The following MGAT4A variants were observed in gnomAD, a reference collection of about 807,000 sequenced individuals.
MGAT4A encodes the protein alpha-1,3-mannosyl-glycoprotein 4-beta-N-acetylglucosaminyltransferase A, also known as N-acetylglucosaminyltransferase IVa.
Under a neutral mutation model 74.1 loss-of-function variants are expected in MGAT4A, and 33 were observed. The observed-to-expected ratio is 0.45, with a 90% CI of 0.34 to 0.60. The LOEUF is 0.60. Ranked by LOEUF, MGAT4A falls within the 20% of genes least tolerant of loss-of-function variation. The pLI is 0.02. For synonymous variants in MGAT4A, 198 were observed against 210.4 expected (o/e 0.94, Z 0.51); for missense variants, 479 against 628.3 (o/e 0.76, Z 2.54).
chr2:98,675,175 T>C lies in MGAT4A; in HGVS notation c.263A>G (p.Asp88Gly), dbSNP rs748827551. 9.5e-6 allele frequency: 15 copies of C among 1,580,680 alleles called. No individual in the cohort carries two copies. In the African/African-American group the frequency reaches 1.5e-4, roughly 16 times the overall value. ...CTCCTTTAACAGCTTTAGGGTATTA[T>C]CTGAAACACAGAAGTATAATTAATA... ...GSKDALNKFS[D>G]NTLKLLKELT... Residue 88 changes from aspartate to glycine, a missense_variant and splice_region_variant, in exon 4 of 16, where the codon GAT becomes GGT. By Grantham distance (94) the Asp-to-Gly change is moderately conservative. This residue lies in a region of MGAT4A where 205 missense variants were observed against 232.7 expected (regional missense o/e 0.88). Coordinates refer to ENST00000393487, the MANE Select transcript of MGAT4A (RefSeq NM_012214.3).
At chr2:98,640,312 A>G (rs946198282) in intron 10 of MGAT4A, 84 bp from the exon 11 acceptor site, 2 of 1,166,106 alleles carry the variant, frequency 1.7e-6, no homozygotes. Flanking sequence ...TCCTTTATTA[A>G]AATATTGAAA....
chr2:98,663,650 C>T (rs1282728359), intron 4 of MGAT4A, among the ~76,000 whole-genome samples: 1 of 152,048 alleles, frequency 6.6e-6, no homozygotes, highest in Non-Finnish European at 1.5e-5. Flanking sequence ...CAATGCTCCA[C>T]AAAATAACAG....
chr2:98,723,208 T>C (rs371535623), intron 2 of MGAT4A, among the ~76,000 whole-genome samples: 2 of 152,172 alleles, frequency 1.3e-5, no homozygotes, highest in East Asian at 3.8e-4. Context: ...GGAACTGTAC[T>C]TGTAAGATTC....
At chr2:98,679,921 C>T (rs1047326650) in intron 2 of MGAT4A, among the ~76,000 whole-genome samples, 3 of 151,890 alleles carry the variant, frequency 2.0e-5, no homozygotes, top group Admixed American at 6.6e-5. Flanking sequence ...GTGGAGGCTG[C>T]GGGAATGTTA....
intron 2 of MGAT4A, among the ~76,000 whole-genome samples, chr2:98,705,912 G>A (rs1478576743): frequency 4.3e-5 from 6 of 140,488 alleles, no homozygotes; most frequent in East Asian, 2.1e-4. Flanking sequence ...ACTGCAGTCC[G>A]CAGTCCGACC....
At chr2:98,681,064 G>A (rs906746483) in intron 2 of MGAT4A, among the ~76,000 whole-genome samples, 15 of 152,142 alleles carry the variant, frequency 9.9e-5, no homozygotes, top group African/African-American at 3.4e-4. Context: ...CTCACTGCAA[G>A]CTCCGCCTCC....
In MGAT4A at chr2:98,700,004, C is replaced by T. The variant is rs115108356; in HGVS notation, c.95-21533G>A. On this transcript the variant is annotated intron_variant, in intron 2 of 15. Coordinates refer to ENST00000393487, the MANE Select transcript of MGAT4A (RefSeq NM_012214.3). Reference sequence around the variant, plus strand: ...TTGCCTTTTTCTGCACGTGAGATAACATCTGACGGGGTTAGTGAGTATGCT... The same window carrying T: ...TTGCCTTTTTCTGCACGTGAGATAATATCTGACGGGGTTAGTGAGTATGCT... 4.9e-3 allele frequency among the ~76,000 whole-genome samples: 742 copies of T among 152,264 alleles called. 6 individuals carry two copies. The highest frequency in any genetic ancestry group is 0.017 in the African/African-American group (701 of 41,554).
At position 98,726,360 on chromosome 2, in the gene MGAT4A, T is replaced by A. The variant is rs779351480; in HGVS notation, c.-28A>T. On this transcript the variant is annotated 5_prime_UTR_variant, in exon 2 of 16. Transcript: ENST00000393487. ...CATTTCACCATCACACTGGTCCATATGTTTATGATGACAACAACCAGGACT... is the reference window on the plus strand; with the variant it reads ...CATTTCACCATCACACTGGTCCATAAGTTTATGATGACAACAACCAGGACT... 3 of 1,586,102 alleles carry A rather than the reference T, an allele frequency of 1.9e-6. No homozygotes were observed. The highest frequency in any genetic ancestry group is 1.7e-6 in the Non-Finnish European group (2 of 1,156,414).
chr2:98,712,829 G>A lies in MGAT4A; in HGVS notation c.94+13410C>T, dbSNP rs1702536153. On this transcript the variant is annotated intron_variant, in intron 2 of 15. Coordinates refer to ENST00000393487, the MANE Select transcript of MGAT4A (RefSeq NM_012214.3). ...ATAATTTGCTTTAAGTTACTTTCTAGCTTCCTAGTGGAAATACACAGAACA... is the reference window on the plus strand; with the variant it reads ...ATAATTTGCTTTAAGTTACTTTCTAACTTCCTAGTGGAAATACACAGAACA... Among the ~76,000 whole-genome samples, 4 of 152,236 alleles carry A rather than the reference G, an allele frequency of 2.6e-5. 1 individual carries two copies. In the South Asian group the frequency reaches 8.3e-4, roughly 32 times the overall value.
In MGAT4A at chr2:98,623,390, T is replaced by A; in HGVS notation, c.*2176A>T. ...ATGGTCTTTCTTCATGAAACCAGAGTTGGCAACTGAGGAACCAGGGACCCA... is the reference window on the plus strand; with the variant it reads ...ATGGTCTTTCTTCATGAAACCAGAGATGGCAACTGAGGAACCAGGGACCCA... On this transcript the variant is annotated 3_prime_UTR_variant, in exon 16 of 16. Coordinates refer to ENST00000393487, the MANE Select transcript of MGAT4A (RefSeq NM_012214.3). 1.0e-6 allele frequency: 1 copy of A among 985,382 alleles called. No homozygotes were observed. The highest frequency in any genetic ancestry group is 1.2e-6 in the Non-Finnish European group (1 of 829,926). 61.0% of individuals were successfully genotyped at this position (985,382 alleles called of 1,614,324 possible). A position where few individuals can be genotyped will look rare whatever the true frequency, so the allele number is the denominator to read the frequency against.
chr2:98,657,018 T>G (rs1559161119), intron 6 of MGAT4A, among the ~76,000 whole-genome samples: 1 of 152,196 alleles, frequency 6.6e-6, no homozygotes, highest in South Asian at 2.1e-4. Flanking sequence ...CTGTGATCAG[T>G]ACTACTGACG....
intron 14 of MGAT4A, among the ~76,000 whole-genome samples, chr2:98,629,010 G>GA (rs1456078535): frequency 6.6e-6 from 1 of 152,112 alleles, no homozygotes; most frequent in African/African-American, 2.4e-5. Flanking sequence ...TATGGACACA[G>GA]AAATCTGAAT....
chr2:98,726,169 C>G, intron 2 of MGAT4A, 70 bp downstream of exon 2: 1 of 1,154,944 alleles, frequency 8.7e-7, no homozygotes, highest in East Asian at 2.4e-5. Context: ...TTGACCTAAG[C>G]ATTTAGGCAC....
Position 98,660,415 on chromosome 2 carries a change from C to T in MGAT4A, c.538-2151G>A, listed in dbSNP as rs1340239048. ...AACCACACACACACACACACACGCA[C>T]GCGCACACACACACACACACACACA... On this transcript the variant is annotated intron_variant, in intron 5 of 15. Coordinates refer to ENST00000393487, the MANE Select transcript of MGAT4A (RefSeq NM_012214.3). Among the ~76,000 whole-genome samples the T allele has an allele frequency of 9.2e-5, 11 of 120,124 alleles. No individual in the cohort carries two copies. In the South Asian group the frequency reaches 1.1e-3, roughly 12 times the overall value. 78.8% of individuals were successfully genotyped at this position (120,124 alleles called of 152,430 possible).
At chr2:98,638,077 T>C (rs1478172502) in intron 12 of MGAT4A, among the ~76,000 whole-genome samples, 2 of 152,208 alleles carry the variant, frequency 1.3e-5, no homozygotes, top group African/African-American at 2.4e-5. Context: ...CGTGTGAATC[T>C]ATACTTTCTC....
chr2:98,678,922 T>C (rs1702016461), intron 2 of MGAT4A, among the ~76,000 whole-genome samples: 1 of 152,184 alleles, frequency 6.6e-6, no homozygotes, highest in Non-Finnish European at 1.5e-5. Context: ...TTTTATAGCA[T>C]AATCATTAAT....
intron 4 of MGAT4A, among the ~76,000 whole-genome samples, chr2:98,673,014 C>G (rs943745431): frequency 1.3e-5 from 2 of 152,118 alleles, no homozygotes; most frequent in Non-Finnish European, 2.9e-5. Context: ...CCCCTTGTTG[C>G]TGAAGTCGCC....
At chr2:98,643,694 A>C (rs1309649730) in intron 10 of MGAT4A, among the ~76,000 whole-genome samples, 1 of 152,228 alleles carries the variant, frequency 6.6e-6, no homozygotes, top group East Asian at 1.9e-4. Context: ...AACACTAGAA[A>C]CATTTATCAG....
At chr2:98,703,467 G>GA (rs1049790009) in intron 2 of MGAT4A, among the ~76,000 whole-genome samples, 49 of 152,098 alleles carry the variant, frequency 3.2e-4, no homozygotes, top group African/African-American at 1.2e-3. Flanking sequence ...AAAAGTAGTA[G>GA]AAAAAAATAT....
Sources: allele counts gnomAD v4.1 joint callset (sites outside exome capture counted in the v4.1 genomes callset), GRCh38; gene constraint gnomAD v4.1.1; regional missense constraint gnomAD v4.1.1; transcripts MANE v1.5; gene names NCBI Gene and HGNC (gene_info 2026-07-23, HGNC 2026-07-21).